STOX2: variants seen among roughly 807,000 people sequenced by gnomAD.
STOX2 encodes the protein storkhead-box protein 2.
A neutral mutation model predicts 60.9 loss-of-function variants in STOX2; 28 were observed. The observed-to-expected ratio is 0.46, with a 90% CI of 0.34 to 0.63. The LOEUF is 0.63. Ranked by LOEUF, STOX2 falls within the 30% of genes least tolerant of loss-of-function variation. The probability of loss-of-function intolerance (pLI) is 0.01; values close to 1 mark genes in which losing one functional copy is unlikely to be tolerated. For missense variants in STOX2, 1,024 were observed against 1,187.7 expected, an observed-to-expected ratio of 0.86 and a Z score of 2.03; for synonymous variants, 472 against 463.9, an observed-to-expected ratio of 1.02 and a Z score of -0.22.
At chr4:183,805,906 C>T (rs1343546162) in intron 1 of STOX2, among the ~76,000 whole-genome samples, 1 of 152,196 alleles carries the variant, frequency 6.6e-6, no homozygotes, top group Non-Finnish European at 1.5e-5. Flanking sequence ...TCTCTTGATG[C>T]GGACCAGTCA....
chr4:183,799,667 C>CTT (rs57246129), intron 1 of STOX2, among the ~76,000 whole-genome samples: 1 of 151,444 alleles, frequency 6.6e-6, no homozygotes, highest in Non-Finnish European at 1.5e-5. Flanking sequence ...CCTACCCGTA[C>CTT]TTTTTTGAAA....
chr4:183,829,286 C>T (rs530377214), intron 1 of STOX2, among the ~76,000 whole-genome samples: 1 of 152,224 alleles, frequency 6.6e-6, no homozygotes, highest in South Asian at 2.1e-4. Flanking sequence ...AAACATTCAT[C>T]TCTACATTCA....
chr4:183,867,570 AT>A, intron 1 of STOX2, among the ~76,000 whole-genome samples: 1 of 152,362 alleles, frequency 6.6e-6, no homozygotes, highest in South Asian at 2.1e-4. Flanking sequence ...CCACCCCACC[AT>A]GATCCTGCTT....
chr4:184,008,603 T>A (rs570097484), intron 2 of STOX2, among the ~76,000 whole-genome samples: 24 of 152,358 alleles, frequency 1.6e-4, no homozygotes, highest in African/African-American at 5.8e-4. Flanking sequence ...GGATACATCA[T>A]AAACAGTAGT....
chr4:183,818,272 C>G (rs1374598734), intron 1 of STOX2, among the ~76,000 whole-genome samples: 2 of 151,886 alleles, frequency 1.3e-5, no homozygotes, highest in Non-Finnish European at 2.9e-5. Context: ...TCCCTGGGTA[C>G]TTGAGATTAG....
chr4:183,988,109 A>G (rs1398992887), intron 1 of STOX2, among the ~76,000 whole-genome samples: 1 of 152,060 alleles, frequency 6.6e-6, no homozygotes, highest in African/African-American at 2.4e-5. Flanking sequence ...CGCCTGGGGT[A>G]CATTCTGACC....
chr4:183,950,981 C>T (rs866118808), intron 1 of STOX2, among the ~76,000 whole-genome samples: 36 of 151,954 alleles, frequency 2.4e-4, no homozygotes, highest in East Asian at 3.9e-4. Context: ...TTTGGGAGGC[C>T]GAGGCGGGCG....
chr4:183,995,127 C>T (rs1445642436), intron 1 of STOX2, among the ~76,000 whole-genome samples: 4 of 151,984 alleles, frequency 2.6e-5, no homozygotes, highest in East Asian at 1.9e-4. Flanking sequence ...TGGAAAGCTA[C>T]GGATGTCACC....
chr4:183,920,090 T>C (rs182426190), intron 1 of STOX2, among the ~76,000 whole-genome samples: 63 of 152,310 alleles, frequency 4.1e-4, no homozygotes, highest in Admixed American at 3.6e-3. Context: ...TGTTCAGTGT[T>C]AGTAAAATAA....
intron 1 of STOX2, among the ~76,000 whole-genome samples, chr4:183,923,035 T>G (rs1361363209): frequency 6.6e-6 from 1 of 152,244 alleles, no homozygotes; most frequent in Non-Finnish European, 1.5e-5. Context: ...CACCTGTTGA[T>G]GGACATTTGA....
intron 1 of STOX2, among the ~76,000 whole-genome samples, chr4:183,987,173 T>G (rs1163236436): frequency 6.6e-6 from 1 of 152,228 alleles, no homozygotes; most frequent in Non-Finnish European, 1.5e-5. Context: ...ATTCGTTTCC[T>G]TGGCCTCTCT....
intron 1 of STOX2, among the ~76,000 whole-genome samples, chr4:183,832,481 C>T (rs956358591): frequency 2.1e-5 from 3 of 143,546 alleles, no homozygotes; most frequent in South Asian, 2.2e-4. Context: ...AGCCTATAAC[C>T]GACTCTTTTT....
intron 1 of STOX2, among the ~76,000 whole-genome samples, chr4:183,849,718 C>T (rs1290628531): frequency 6.6e-6 from 1 of 152,164 alleles, no homozygotes; most frequent in Non-Finnish European, 1.5e-5. Context: ...GCCATCCACA[C>T]ATCGGGATCA....
At position 183,905,423 on chromosome 4, in the gene STOX2, C is replaced by G. The variant is rs1201181689; in HGVS notation, c.-1368C>G. 1 of 152,328 alleles carries G rather than the reference C, an allele frequency of 6.6e-6. No homozygotes were observed. The highest frequency in any genetic ancestry group is 1.5e-5 in the Non-Finnish European group (1 of 68,134). The allele number at this position is 152,328 out of a possible 1,614,324, so 9.4% of individuals were successfully genotyped here. On this transcript the variant is annotated 5_prime_UTR_variant, in exon 1 of 4. Coordinates refer to ENST00000308497, the MANE Select transcript of STOX2 (RefSeq NM_020225.3). ...GGGAGAGAGGAAGCGCTGCAGGCCA[C>G]TTGCATTGCGTCTTCCAGGCTGCGT...
chr4:183,961,111 GA>G (rs1025854195), intron 1 of STOX2, among the ~76,000 whole-genome samples: 3 of 152,132 alleles, frequency 2.0e-5, no homozygotes, highest in African/African-American at 7.2e-5. Flanking sequence ...CAATGCCCTG[GA>G]AAGGTTAAGG....
intron 1 of STOX2, among the ~76,000 whole-genome samples, chr4:183,982,474 G>A (rs1732691116): frequency 6.6e-6 from 1 of 152,126 alleles, no homozygotes; most frequent in Non-Finnish European, 1.5e-5. Context: ...TGCTTTTGTT[G>A]AGTTTTTAAT....
intron 1 of STOX2, among the ~76,000 whole-genome samples, chr4:183,845,303 C>T (rs1437649722): frequency 6.6e-6 from 1 of 152,062 alleles, no homozygotes; most frequent in Non-Finnish European, 1.5e-5. Flanking sequence ...TCATTCCATC[C>T]AGAGCCGGAA....
chr4:183,937,929 C>T (rs1742632870), intron 1 of STOX2, among the ~76,000 whole-genome samples: 1 of 152,164 alleles, frequency 6.6e-6, no homozygotes, highest in Admixed American at 6.5e-5. Flanking sequence ...AGGTGGATGG[C>T]TTGAGCCCAG....
intron 1 of STOX2, among the ~76,000 whole-genome samples, chr4:183,969,187 T>C (rs1160553930): frequency 6.6e-6 from 1 of 152,220 alleles, no homozygotes; most frequent in Non-Finnish European, 1.5e-5. Flanking sequence ...TCATTAAGAA[T>C]GTAGTCTGCT....
Sources: gnomAD v4.1 joint callset for allele counts (sites outside exome capture counted in the v4.1 genomes callset) on GRCh38, gnomAD v4.1.1 for gene constraint, MANE v1.5 for transcripts, NCBI Gene and HGNC (gene_info 2026-07-23, HGNC 2026-07-21) for gene names.